The following NKAIN2 variants were observed in gnomAD, a reference collection of about 807,000 sequenced individuals.
The protein encoded by NKAIN2 is sodium/potassium transporting ATPase interacting 2, also known as sodium/potassium-transporting ATPase subunit beta-1-interacting protein 2.
A neutral mutation model predicts 32.6 loss-of-function variants in NKAIN2; 14 were observed. That is an observed-to-expected ratio of 0.43 (90% CI 0.28 to 0.67). NKAIN2 has a LOEUF of 0.67. Among genes scored for constraint, NKAIN2 ranks in the 30% least tolerant of loss-of-function variants. The pLI, the probability that NKAIN2 is intolerant of heterozygous loss-of-function variation, is 0.17. For missense variants in NKAIN2, 198 were observed against 258.3 expected (o/e 0.77, Z 1.60); for synonymous variants, 80 against 87.2 (o/e 0.92, Z 0.46).
intron 1 of NKAIN2, among the ~76,000 whole-genome samples, chr6:124,049,096 C>G (rs1256933394): frequency 6.6e-6 from 1 of 151,900 alleles, no homozygotes; most frequent in Non-Finnish European, 1.5e-5. Context: ...TTGTCATATC[C>G]TTGGCAATTT....
intron 1 of NKAIN2, among the ~76,000 whole-genome samples, chr6:123,885,583 T>G (rs1773674489): frequency 6.6e-6 from 1 of 152,084 alleles, no homozygotes; most frequent in African/African-American, 2.4e-5. Flanking sequence ...TCGTGGATAA[T>G]GGAGTTTTAA....
In NKAIN2 at chr6:124,554,401, T is replaced by C. The variant is rs146454502; in HGVS notation, c.274-103785T>C. On this transcript the variant is annotated intron_variant, in intron 3 of 6. Transcript: ENST00000368417. ...TATAATGTGAAGTTTCAGTAAAATG[T>C]TTATCAAAGAGCCTAAACATATCTA... is the stretch of plus-strand genomic sequence containing the variant. Among the ~76,000 whole-genome samples the C allele has an allele frequency of 3.8e-3, 584 of 152,326 alleles. 2 individuals are homozygous for C. The highest frequency in any genetic ancestry group is 6.0e-3 in the Non-Finnish European group (406 of 68,028).
intron 1 of NKAIN2, among the ~76,000 whole-genome samples, chr6:124,094,826 C>A (rs1444559670): frequency 6.6e-6 from 1 of 152,002 alleles, no homozygotes; most frequent in Non-Finnish European, 1.5e-5. Context: ...ACTCATTTCT[C>A]TATTATCTGA....
chr6:124,455,387 A>G (rs1399563230), intron 3 of NKAIN2, among the ~76,000 whole-genome samples: 1 of 152,018 alleles, frequency 6.6e-6, no homozygotes, highest in Non-Finnish European at 1.5e-5. Flanking sequence ...TGAAGTGCAG[A>G]CAAATTTAGG....
intron 3 of NKAIN2, among the ~76,000 whole-genome samples, chr6:124,416,689 G>A (rs1280704340): frequency 2.6e-5 from 4 of 152,064 alleles, no homozygotes; most frequent in Non-Finnish European, 5.9e-5. Context: ...ATATAGTGAA[G>A]AGTCATGACA....
At chr6:124,214,243 T>C (rs570195921) in intron 1 of NKAIN2, among the ~76,000 whole-genome samples, 1 of 152,354 alleles carries the variant, frequency 6.6e-6, no homozygotes, top group African/African-American at 2.4e-5. Context: ...ATTAACATTC[T>C]CTACCACATA....
intron 1 of NKAIN2, among the ~76,000 whole-genome samples, chr6:124,256,646 A>C (rs1421986673): frequency 6.6e-6 from 1 of 152,174 alleles, no homozygotes; most frequent in Non-Finnish European, 1.5e-5. Context: ...CTAATGTTTC[A>C]GCTTAGACAA....
intron 2 of NKAIN2, among the ~76,000 whole-genome samples, chr6:124,343,468 T>A (rs954754585): frequency 2.0e-5 from 3 of 151,776 alleles, no homozygotes; most frequent in South Asian, 2.1e-4. Flanking sequence ...GTGTTCCTAT[T>A]TCTCCACATC....
At chr6:124,258,597 C>A (rs1004743622) in intron 1 of NKAIN2, among the ~76,000 whole-genome samples, 2 of 152,140 alleles carry the variant, frequency 1.3e-5, no homozygotes, top group Admixed American at 6.5e-5. Flanking sequence ...ACTTTGGAAC[C>A]AGTCAGGCCT....
intron 1 of NKAIN2, among the ~76,000 whole-genome samples, chr6:124,112,759 CT>C (rs1382689342): frequency 1.3e-5 from 2 of 151,422 alleles, no homozygotes; most frequent in Admixed American, 1.3e-4. Flanking sequence ...TTTTTCTATT[CT>C]TTTTTTCTCT....
At chr6:124,313,203 A>C (rs1562485454) in intron 2 of NKAIN2, among the ~76,000 whole-genome samples, 1 of 152,154 alleles carries the variant, frequency 6.6e-6, no homozygotes, top group Admixed American at 6.6e-5. Flanking sequence ...CAGGATAGCA[A>C]ATGTTCTTAA....
intron 1 of NKAIN2, among the ~76,000 whole-genome samples, chr6:123,845,004 T>G (rs1027557393): frequency 1.3e-5 from 2 of 152,168 alleles, no homozygotes; most frequent in African/African-American, 4.8e-5. Flanking sequence ...GAGAAGAAAT[T>G]TGTTTTAAGA....
intron 1 of NKAIN2, among the ~76,000 whole-genome samples, chr6:124,203,858 A>C (rs183987541): frequency 2.0e-5 from 3 of 151,854 alleles, no homozygotes; most frequent in Admixed American, 6.6e-5. Context: ...ATATGCAAAA[A>C]GTAATAAATT....
At chr6:124,725,562 A>G (rs887517238) in intron 4 of NKAIN2, among the ~76,000 whole-genome samples, 1 of 152,124 alleles carries the variant, frequency 6.6e-6, no homozygotes, top group Admixed American at 6.5e-5. Flanking sequence ...TTTGTCCTTT[A>G]TTACCCAAAC....
chr6:124,171,877 C>T (rs1335182282), intron 1 of NKAIN2, among the ~76,000 whole-genome samples: 5 of 141,640 alleles, frequency 3.5e-5, no homozygotes, highest in Non-Finnish European at 6.1e-5. Flanking sequence ...GAGAGAGTCT[C>T]GCTCTGTCGC....
At chr6:123,815,714 C>G (rs978431176) in intron 1 of NKAIN2, among the ~76,000 whole-genome samples, 1 of 151,908 alleles carries the variant, frequency 6.6e-6, no homozygotes, top group Admixed American at 6.6e-5. Flanking sequence ...AATTTTGATT[C>G]AGTTATTTTG....
chr6:124,499,382 G>A (rs562456943), intron 3 of NKAIN2, among the ~76,000 whole-genome samples: 2 of 152,154 alleles, frequency 1.3e-5, no homozygotes, highest in South Asian at 2.1e-4. Context: ...TAGTCATTCT[G>A]GGCTTAAGAA....
At chr6:124,544,079 G>A (rs1395012966) in intron 3 of NKAIN2, among the ~76,000 whole-genome samples, 3 of 152,046 alleles carry the variant, frequency 2.0e-5, no homozygotes, top group African/African-American at 4.8e-5. Context: ...AATAGTTCTC[G>A]GTAGAGAAGA....
intron 1 of NKAIN2, among the ~76,000 whole-genome samples, chr6:124,015,549 T>C (rs1780528352): frequency 6.6e-6 from 1 of 152,186 alleles, no homozygotes; most frequent in African/African-American, 2.4e-5. Flanking sequence ...TGATAGTTCA[T>C]TAAAGAACCA....
Sources: allele counts gnomAD v4.1 joint callset (sites outside exome capture counted in the v4.1 genomes callset), GRCh38; gene constraint gnomAD v4.1.1; transcripts MANE v1.5; gene names NCBI Gene and HGNC (gene_info 2026-07-23, HGNC 2026-07-21).